The following TWIST2 variants were observed in gnomAD, a reference collection of about 807,000 sequenced individuals.
TWIST2 encodes twist family bHLH transcription factor 2, also known as twist-related protein 2.
TWIST2 carries 1 observed loss-of-function variant against 11.6 expected under a neutral mutation model. The ratio of observed to expected loss-of-function variants is 0.09; its 90% CI spans 0.03 to 0.41. TWIST2 has a LOEUF of 0.41. TWIST2 is among the 10% of genes least tolerant of loss of function. TWIST2 has a pLI of 0.98. For missense variants in TWIST2, 168 were observed against 226.4 expected (o/e 0.74, Z 1.66); for synonymous variants, 87 against 96.6 (o/e 0.90, Z 0.58).
At chr2:238,855,288 A>C (rs554120594) in intron 1 of TWIST2, among the ~76,000 whole-genome samples, 1 of 152,336 alleles carries the variant, frequency 6.6e-6, no homozygotes, top group South Asian at 2.1e-4. Context: ...GAAAGGAAGG[A>C]GGAGAAGGCA....
At chr2:238,881,124 T>TTATTAGTATTAGTATTACTGTTAG (rs1692916311) in intron 1 of TWIST2, among the ~76,000 whole-genome samples, 1 of 97,110 alleles carries the variant, frequency 1.0e-5, no homozygotes, top group Non-Finnish European at 2.0e-5. Flanking sequence ...GTGTTAGTAT[T>TTATTAGTATTAGTATTACTGTTAG]TATTAGTATT....
chr2:238,899,641 C>G (rs1227576946), intron 1 of TWIST2, among the ~76,000 whole-genome samples: 1 of 152,242 alleles, frequency 6.6e-6, no homozygotes, highest in Non-Finnish European at 1.5e-5. Flanking sequence ...GGCATGCTCT[C>G]ACCGTCCCTC....
At chr2:238,857,975 A>G (rs1057008308) in intron 1 of TWIST2, among the ~76,000 whole-genome samples, 1 of 152,110 alleles carries the variant, frequency 6.6e-6, no homozygotes, top group African/African-American at 2.4e-5. Context: ...CAACACCATT[A>G]CATTGGGCAG....
chr2:238,852,630 G>A (rs1016559564), intron 1 of TWIST2, among the ~76,000 whole-genome samples: 3 of 150,788 alleles, frequency 2.0e-5, no homozygotes, highest in South Asian at 2.1e-4. Context: ...GAGTCTACAC[G>A]TGATAAAATT....
chr2:238,878,165 CA>C (rs1393785332), intron 1 of TWIST2, among the ~76,000 whole-genome samples: 1 of 152,174 alleles, frequency 6.6e-6, no homozygotes, highest in Non-Finnish European at 1.5e-5. Context: ...AGTTGGTAAA[CA>C]GCTCTCATGG....
chr2:238,857,082 G>A (rs1406242490), intron 1 of TWIST2, among the ~76,000 whole-genome samples: 1 of 152,158 alleles, frequency 6.6e-6, no homozygotes, highest in Non-Finnish European at 1.5e-5. Flanking sequence ...GCTGTGCCTG[G>A]GGTCAAGGAC....
rs571661704 is a variant in TWIST2, at chr2:238,861,066, CAA to C, written c.*35+12334_*35+12335del. On this transcript the variant is annotated intron_variant, in intron 1 of 1. Transcript: ENST00000612363. Reference sequence around the variant, plus strand: ...AGGGAAAGAGATTCCCAAAAGCTGCCAAGAGAGAGGACTCCAGATGGAGATGG... The same window carrying C: ...AGGGAAAGAGATTCCCAAAAGCTGCCGAGAGAGGACTCCAGATGGAGATGG... Among the ~76,000 whole-genome samples the C allele has an allele frequency of 2.6e-3, 397 of 152,266 alleles. 2 individuals carry two copies. The highest frequency in any genetic ancestry group is 9.1e-3 in the African/African-American group (379 of 41,550).
At chr2:238,892,850 G>C (rs975152755) in intron 1 of TWIST2, among the ~76,000 whole-genome samples, 1 of 152,222 alleles carries the variant, frequency 6.6e-6, no homozygotes. Context: ...CTGAGGCAAA[G>C]TCTTCAACAC....
chr2:238,909,100 T>TTGTG (rs1693408931), intron 1 of TWIST2, among the ~76,000 whole-genome samples: 4 of 150,602 alleles, frequency 2.7e-5, no homozygotes, highest in Admixed American at 6.6e-5. Context: ...TGTGGTATGT[T>TTGTG]TGGTGTGTGT....
intron 1 of TWIST2, among the ~76,000 whole-genome samples, chr2:238,852,152 A>C (rs144385475): frequency 0.013 from 1,929 of 152,356 alleles, 30 homozygotes; most frequent in South Asian, 0.058. Context: ...AGAAAAAAAA[A>C]CACCACACAC....
rs1244637552 is a variant in TWIST2 at position 238,870,169 on chromosome 2, A to C, written c.*35+21436A>C. ...ATACACACCACACCCCACACACACC[A>C]CACACCCCACACACACATCACATAC... On this transcript the variant is annotated intron_variant, in intron 1 of 1. Coordinates refer to ENST00000612363, the MANE Select transcript of TWIST2 (RefSeq NM_001271893.4). 5.7e-3 allele frequency among the ~76,000 whole-genome samples: 187 copies of C among 32,788 alleles called. 1 individual carries two copies. The highest frequency in any genetic ancestry group is 0.016 in the Middle Eastern group (1 of 64). 21.5% of individuals were successfully genotyped at this position (32,788 alleles called of 152,430 possible). A position where few individuals can be genotyped will look rare whatever the true frequency, so the allele number is the denominator to read the frequency against.
intron 1 of TWIST2, among the ~76,000 whole-genome samples, chr2:238,861,250 G>T (rs1692428668): frequency 6.6e-6 from 1 of 152,220 alleles, no homozygotes; most frequent in African/African-American, 2.4e-5. Flanking sequence ...GAGGCGCAGA[G>T]CCCAGCTGCT....
At chr2:238,884,615 G>T (rs937785634) in intron 1 of TWIST2, among the ~76,000 whole-genome samples, 1 of 152,230 alleles carries the variant, frequency 6.6e-6, no homozygotes, top group Non-Finnish European at 1.5e-5. Flanking sequence ...CTTCACACCT[G>T]CCAGGGGGCT....
chr2:238,877,702 A>G (rs2106362939), intron 1 of TWIST2, among the ~76,000 whole-genome samples: 1 of 152,348 alleles, frequency 6.6e-6, no homozygotes, highest in South Asian at 2.1e-4. Flanking sequence ...GAGGAGCTCT[A>G]TTTATTAGGA....
At chr2:238,890,287 G>A (rs578239642) in intron 1 of TWIST2, among the ~76,000 whole-genome samples, 1 of 152,316 alleles carries the variant, frequency 6.6e-6, no homozygotes, top group South Asian at 2.1e-4. Flanking sequence ...GACGCTGACC[G>A]CTGCTCTGTG....
chr2:238,853,148 T>G (rs1692270591), intron 1 of TWIST2, among the ~76,000 whole-genome samples: 1 of 152,166 alleles, frequency 6.6e-6, no homozygotes, highest in South Asian at 2.1e-4. Context: ...TTTATTCCTA[T>G]ACTAATAAAG....
intron 1 of TWIST2, among the ~76,000 whole-genome samples, chr2:238,882,210 C>T (rs1392604459): frequency 1.3e-5 from 2 of 152,160 alleles, no homozygotes; most frequent in Non-Finnish European, 1.5e-5. Context: ...CTTTTCCCTC[C>T]TCTCCCAGCA....
At chr2:238,907,420 G>A (rs1301558827) in intron 1 of TWIST2, among the ~76,000 whole-genome samples, 1 of 152,162 alleles carries the variant, frequency 6.6e-6, no homozygotes, top group Non-Finnish European at 1.5e-5. Context: ...TCCTGCCTGT[G>A]TCTCCTCCCC....
chr2:238,870,597 C>G (rs1156851181), intron 1 of TWIST2, among the ~76,000 whole-genome samples: 1 of 53,998 alleles, frequency 1.9e-5, no homozygotes, highest in African/African-American at 7.2e-5. Context: ...ACCACACACC[C>G]CACACACACA....
Sources: gnomAD v4.1 joint callset for allele counts (sites outside exome capture counted in the v4.1 genomes callset) on GRCh38, gnomAD v4.1.1 for gene constraint, MANE v1.5 for transcripts, NCBI Gene and HGNC (gene_info 2026-07-23, HGNC 2026-07-21) for gene names.